Variants in SLC26A11 observed in about 807,000 individuals in gnomAD.
SLC26A11 encodes sodium-independent sulfate anion transporter.
SLC26A11 carries 58 observed loss-of-function variants against 62.2 expected under a neutral mutation model. The observed-to-expected ratio is 0.93, with a 90% CI of 0.76 to 1.16. SLC26A11 has a LOEUF of 1.16. Ranked by LOEUF, SLC26A11 falls within the 50% of genes most tolerant of loss-of-function variation. The probability of loss-of-function intolerance (pLI) is 0.00; values close to 1 mark genes in which losing one functional copy is unlikely to be tolerated. For synonymous variants in SLC26A11, 411 were observed against 368.9 expected (o/e 1.11, Z -1.31); for missense variants, 790 against 794.3 (o/e 0.99, Z 0.06).
In SLC26A11 at chr17:80,252,560, T is replaced by C; in HGVS notation, c.1730-65T>C. 5.9e-6 allele frequency: 9 copies of C among 1,514,430 alleles called. No individual in the cohort carries two copies. Among genetic ancestry groups the C allele is most frequent in the African/African-American group, 1.4e-5 (1 of 72,898 alleles). 93.8% of individuals were successfully genotyped at this position (1,514,430 alleles called of 1,614,324 possible). A position where few individuals can be genotyped will look rare whatever the true frequency, so the allele number is the denominator to read the frequency against. On this transcript the variant is annotated intron_variant, in intron 17 of 17. Coordinates refer to ENST00000361193, the MANE Select transcript of SLC26A11 (RefSeq NM_001166347.2). This position sits in a 1 kb window ranked among gnomAD's most constrained non-coding sequence, Gnocchi z 5.2. The stretch of plus-strand genomic sequence containing the variant: ...TGGAAGGCCCTCCTTAATCCCTTCC[T>C]GTGAACTGACCCATCCTCACTTCTG...
intron 5 of SLC26A11, among the ~76,000 whole-genome samples, chr17:80,224,687 C>T (rs904269184): frequency 6.6e-6 from 1 of 152,110 alleles, no homozygotes; most frequent in Non-Finnish European, 1.5e-5. Context: ...TGTTTCAGGG[C>T]ATGGTTGGTT....
rs1192875146 is a variant in SLC26A11 at position 80,222,692 on chromosome 17, A to G, written c.272A>G (p.Tyr91Cys). ...TCTGCCTTCATGGGCTGCTTCGTGT[A>G]TTTCTTCCTGGGCACCTCCCGGGAT... Reference protein sequence around the residue: ...LYSAFMGCFVYFFLGTSRDVT... With the variant: ...LYSAFMGCFVCFFLGTSRDVT... The change falls in exon 4 of 18, where the codon TAT becomes TGT. Residue 91 changes from tyrosine to cysteine, a missense_variant. Transcript: ENST00000361193. The surrounding 1 kb of genome is among the most constrained non-coding windows in gnomAD (Gnocchi z 4.7). 3.1e-6 allele frequency: 5 copies of G among 1,613,690 alleles called. No homozygotes were observed. In the South Asian group the frequency reaches 5.5e-5, roughly 18 times the overall value.
Position 80,246,160 on chromosome 17 carries a change from C to A in SLC26A11, c.1104C>A (p.Ala368=). Residue 368 remains alanine, a synonymous_variant, in exon 12 of 18, where the codon GCC becomes GCA. Transcript: ENST00000361193. The surrounding 1 kb of genome is among the most constrained non-coding windows in gnomAD (Gnocchi z 4.4). ...YPVTGSFGRT[A]VNAQSGVCTP... is the part of the protein sequence containing the mutation. ...TCTCTGTGTTGCCTTCCAGGACAGC[C>A]GTGAACGCTCAGTCGGGGGTGTGCA... 1 of 1,613,214 alleles carries A rather than the reference C, an allele frequency of 6.2e-7. No homozygotes were observed. The highest frequency in any genetic ancestry group is 8.5e-7 in the Non-Finnish European group (1 of 1,179,992).
In SLC26A11 at chr17:80,246,451, G is replaced by T. The variant is rs565984961; in HGVS notation, c.1154-58G>T. 1.9e-6 allele frequency: 3 copies of T among 1,597,730 alleles called. No homozygotes were observed. In the South Asian group the frequency reaches 3.3e-5, roughly 18 times the overall value. ...GCTCTGCTGAACAAGAGGCTGCTAC[G>T]CTGCGTGCTGGGGGGACCCTGCACT... On this transcript the variant is annotated intron_variant, in intron 12 of 17. Transcript: ENST00000361193. This position sits in a 1 kb window ranked among gnomAD's most constrained non-coding sequence, Gnocchi z 4.4.
chr17:80,247,255 C>CA, intron 13 of SLC26A11, among the ~76,000 whole-genome samples: 1 of 151,990 alleles, frequency 6.6e-6, no homozygotes, highest in East Asian at 1.9e-4. Flanking sequence ...TCTACACAGA[C>CA]ACGGCAACCA....
rs376096747 is a variant in SLC26A11, at chr17:80,249,201, A to G, written c.1570A>G (p.Ile524Val). Residue 524 changes from isoleucine (I) to valine (V), a missense_variant, in exon 16 of 18, where the codon ATC becomes GTC. Transcript: ENST00000361193. ...CCTGGAGTGCACCCATGTCTGCAGCATCGACTACACTGTGGTGCTGGGACT... is the reference window on the plus strand; with the variant it reads ...CCTGGAGTGCACCCATGTCTGCAGCGTCGACTACACTGTGGTGCTGGGACT... ...LVLECTHVCSIDYTVVLGLGE... is the reference protein window; with the variant it reads ...LVLECTHVCSVDYTVVLGLGE... 15 of 1,610,926 alleles carry G rather than the reference A, an allele frequency of 9.3e-6. No individual in the cohort carries two copies. The South Asian group carries it at 1.3e-4, about 14-fold the overall frequency.
intron 5 of SLC26A11, among the ~76,000 whole-genome samples, chr17:80,224,391 GTGTA>G (rs1372567697): frequency 2.0e-5 from 3 of 149,496 alleles, no homozygotes; most frequent in South Asian, 2.1e-4. Context: ...GCGTGTGTGA[GTGTA>G]TGAGTGTGAG....
In SLC26A11 at chr17:80,246,993, C is replaced by T. The variant is rs1029396004; in HGVS notation, c.1294+344C>T. Among the ~76,000 whole-genome samples, 2 of 152,108 alleles carry T rather than the reference C, an allele frequency of 1.3e-5. No homozygotes were observed. The highest frequency in any genetic ancestry group is 6.5e-5 in the Admixed American group (1 of 15,272). Reference sequence around the variant, plus strand: ...GCCCAGCTGGGGGAGGGACAGGAGACGTCCCTGGTGACCAGCAGGGCCAGC... The same window carrying T: ...GCCCAGCTGGGGGAGGGACAGGAGATGTCCCTGGTGACCAGCAGGGCCAGC... On this transcript the variant is annotated intron_variant, in intron 13 of 17. Transcript: ENST00000361193. This position sits in a 1 kb window ranked among gnomAD's most constrained non-coding sequence, Gnocchi z 4.4.
chr17:80,246,777 G>C lies in SLC26A11; in HGVS notation c.1294+128G>C. The C allele has an allele frequency of 7.9e-7, 1 of 1,263,360 alleles. No homozygotes were observed. The highest frequency in any genetic ancestry group is 2.5e-5 in the East Asian group (1 of 39,292). 78.3% of individuals were successfully genotyped at this position (1,263,360 alleles called of 1,614,324 possible). Reference sequence around the variant, plus strand: ...GGGACTGGGAAGTTAGGGCAGTCCCGGAACAGAGAAGTGGATGGCCAGGAG... The same window carrying C: ...GGGACTGGGAAGTTAGGGCAGTCCCCGAACAGAGAAGTGGATGGCCAGGAG... On this transcript the variant is annotated intron_variant, in intron 13 of 17. Transcript: ENST00000361193. This position sits in a 1 kb window ranked among gnomAD's most constrained non-coding sequence, Gnocchi z 4.4.
rs530179579 is a variant in SLC26A11, at chr17:80,252,049, C to T, written c.1730-576C>T. On this transcript the variant is annotated intron_variant, in intron 17 of 17. Coordinates refer to ENST00000361193, the MANE Select transcript of SLC26A11 (RefSeq NM_001166347.2). This position sits in a 1 kb window ranked among gnomAD's most constrained non-coding sequence, Gnocchi z 5.2. ...TCCAGAAGCCCCGGGACAGAAGGTA[C>T]GGGAGGGACAGGAGCAGGGTGGGCG... is the stretch of plus-strand genomic sequence containing the variant. 8.5e-5 allele frequency among the ~76,000 whole-genome samples: 13 copies of T among 152,164 alleles called. No homozygotes were observed. In the East Asian group the frequency reaches 1.4e-3, roughly 16 times the overall value.
intron 10 of SLC26A11, among the ~76,000 whole-genome samples, chr17:80,242,593 G>T (rs1018700492): frequency 1.3e-5 from 2 of 152,194 alleles, no homozygotes; most frequent in African/African-American, 4.8e-5. Flanking sequence ...AAGACTCGGG[G>T]GCCCCAAGTT....
At position 80,221,534 on chromosome 17, in the gene SLC26A11, C is replaced by A. The variant is rs759183117; in HGVS notation, c.-13-14C>A. On this transcript the variant is annotated splice_polypyrimidine_tract_variant and intron_variant, in intron 2 of 17. Transcript: ENST00000361193. The stretch of plus-strand genomic sequence containing the variant: ...ACGCTCTGACTGCTGGTCTGTGTCA[C>A]CTGCACCCCCCAGCCCCACCGTAGA... The A allele has an allele frequency of 1.3e-6, 2 of 1,523,652 alleles. No homozygotes were observed. Among genetic ancestry groups the A allele is most frequent in the East Asian group, 2.3e-5 (1 of 43,178 alleles). The allele number at this position is 1,523,652 out of a possible 1,614,324, so 94.4% of individuals were successfully genotyped here.
Position 80,252,553 on chromosome 17 carries a change from C to A in SLC26A11, c.1730-72C>A. On this transcript the variant is annotated intron_variant, in intron 17 of 17. Transcript: ENST00000361193. The surrounding 1 kb of genome is among the most constrained non-coding windows in gnomAD (Gnocchi z 5.2). Reference sequence around the variant, plus strand: ...AGGACTCTGGAAGGCCCTCCTTAATCCCTTCCTGTGAACTGACCCATCCTC... The same window carrying A: ...AGGACTCTGGAAGGCCCTCCTTAATACCTTCCTGTGAACTGACCCATCCTC... The A allele has an allele frequency of 2.1e-6, 3 of 1,447,116 alleles. No homozygotes were observed. The highest frequency in any genetic ancestry group is 1.9e-6 in the Non-Finnish European group (2 of 1,041,794). The allele number at this position is 1,447,116 out of a possible 1,614,324, so 89.6% of individuals were successfully genotyped here. A position where few individuals can be genotyped will look rare whatever the true frequency, so the allele number is the denominator to read the frequency against.
At position 80,248,118 on chromosome 17, in the gene SLC26A11, C is replaced by T. The variant is rs1056765875; in HGVS notation, c.1295-12C>T. On this transcript the variant is annotated splice_polypyrimidine_tract_variant and intron_variant, in intron 13 of 17. Coordinates refer to ENST00000361193, the MANE Select transcript of SLC26A11 (RefSeq NM_001166347.2). The stretch of plus-strand genomic sequence containing the variant: ...AGCTGCCGGGCATTCCTCAGCTGTG[C>T]CCTTCTCCTAGGGCTGGACCTGCTG... 2 of 1,597,572 alleles carry T rather than the reference C, an allele frequency of 1.3e-6. No individual in the cohort carries two copies. The highest frequency in any genetic ancestry group is 8.5e-7 in the Non-Finnish European group (1 of 1,177,678).
At chr17:80,233,813 A>AAGGGATCCTCCCAAG (rs1555628038) in intron 7 of SLC26A11, among the ~76,000 whole-genome samples, 74 of 151,636 alleles carry the variant, frequency 4.9e-4, no homozygotes, top group Non-Finnish European at 9.0e-4. Flanking sequence ...TCCTGGGCTC[A>AAGGGATCCTCCCAAG]AGGGATCCTC....
chr17:80,227,769 G>A, intron 6 of SLC26A11, 49 bp from the exon 7 acceptor site: 1 of 1,584,750 alleles, frequency 6.3e-7, no homozygotes, highest in Non-Finnish European at 8.6e-7. Flanking sequence ...TGAGTCAGCA[G>A]TAGGCCTGGG....
rs1369214933 is a variant in SLC26A11 at position 80,246,666 on chromosome 17, C to T, written c.1294+17C>T. The T allele has an allele frequency of 4.3e-6, 7 of 1,611,560 alleles. No homozygotes were observed. Among genetic ancestry groups the T allele is most frequent in the Non-Finnish European group, 5.1e-6 (6 of 1,179,066 alleles). ...GTGTTAAGAGTACGTCCTTGTCCTA[C>T]AGGGGAGAGCGCTGTGATGCGGTGT... is the stretch of plus-strand genomic sequence containing the variant. On this transcript the variant is annotated intron_variant, in intron 13 of 17. Coordinates refer to ENST00000361193, the MANE Select transcript of SLC26A11 (RefSeq NM_001166347.2). The surrounding 1 kb of genome is among the most constrained non-coding windows in gnomAD (Gnocchi z 4.4).
chr17:80,223,355 C>G lies in SLC26A11; in HGVS notation c.513+18C>G. On this transcript the variant is annotated intron_variant, in intron 5 of 17. Coordinates refer to ENST00000361193, the MANE Select transcript of SLC26A11 (RefSeq NM_001166347.2). The surrounding 1 kb of genome is among the most constrained non-coding windows in gnomAD (Gnocchi z 4.6). ...AGATCAAGGTAGGCACGGCGCCCAC[C>G]CAGGGCACTGCTCTTTGGCCACTGC... 1 of 1,612,636 alleles carries G rather than the reference C, an allele frequency of 6.2e-7. No homozygotes were observed. The highest frequency in any genetic ancestry group is 8.5e-7 in the Non-Finnish European group (1 of 1,179,146).
At chr17:80,249,683 A>T (rs1420375524) in intron 16 of SLC26A11, among the ~76,000 whole-genome samples, 2 of 152,188 alleles carry the variant, frequency 1.3e-5, no homozygotes, top group African/African-American at 2.4e-5. Context: ...AGGCGGGCAG[A>T]TCACCTGAGG....
Sources: gnomAD v4.1 joint callset for allele counts (sites outside exome capture counted in the v4.1 genomes callset) on GRCh38, gnomAD v4.1.1 for gene constraint, Gnocchi (gnomAD v3.1) non-coding constraint, MANE v1.5 for transcripts, NCBI Gene and HGNC (gene_info 2026-07-23, HGNC 2026-07-21) for gene names.